RARG: variants seen among roughly 807,000 people sequenced by gnomAD.
RARG encodes the protein retinoic acid receptor gamma.
In RARG, 17 loss-of-function variants were observed where a neutral mutation model predicts 43.7. That is an observed-to-expected ratio of 0.39 (90% CI 0.27 to 0.58). The LOEUF is 0.58. Among genes scored for constraint, RARG ranks in the 20% least tolerant of loss-of-function variants. The pLI, the probability that RARG is intolerant of heterozygous loss-of-function variation, is 0.57. For synonymous variants in RARG, 238 were observed against 236.4 expected (o/e 1.01, Z -0.06); for missense variants, 346 against 598.7 (o/e 0.58, Z 4.40).
chr12:53,224,844 C>T, intron 3 of RARG, among the ~76,000 whole-genome samples: 1 of 152,148 alleles, frequency 6.6e-6, no homozygotes, highest in East Asian at 1.9e-4. Context: ...TTCAGCATGG[C>T]CTTCGAAGAT....
chr12:53,213,460 T>C lies in RARG; in HGVS notation c.1018+36A>G, dbSNP rs779285438. The C allele has an allele frequency of 1.2e-6, 2 of 1,601,214 alleles. No individual in the cohort carries two copies. The highest frequency in any genetic ancestry group is 1.1e-5 in the South Asian group (1 of 90,782). On this transcript the variant is annotated intron_variant, in intron 8 of 9. Coordinates refer to ENST00000425354, the MANE Select transcript of RARG (RefSeq NM_000966.6). This position sits in a 1 kb window ranked among gnomAD's most constrained non-coding sequence, Gnocchi z 4.7. ...CGCATGGAGTGGTGGGAAAGGAGAC[T>C]GAGCACTGAGCAGACGCCAGGGGGC...
At chr12:53,212,148 C>T (rs1942608473) in intron 9 of RARG, among the ~76,000 whole-genome samples, 2 of 152,228 alleles carry the variant, frequency 1.3e-5, no homozygotes, top group African/African-American at 2.4e-5. Context: ...TCCAACCCCA[C>T]TCCCCAAGTA....
rs1334781561 is a variant in RARG, at chr12:53,213,581, G to C, written c.933C>G (p.Val311=). The change falls in exon 8 of 10, where the codon GTC becomes GTG. Residue 311 remains valine, a synonymous_variant. Coordinates refer to ENST00000425354, the MANE Select transcript of RARG (RefSeq NM_000966.6). This position sits in a 1 kb window ranked among gnomAD's most constrained non-coding sequence, Gnocchi z 4.7. ...GCAGGAGCTGCCCAGCAAAGGCAAA[G>C]ACAAGGTCTGTGAGGGGCCCGAAGC... ...NAGFGPLTDL[V]FAFAGQLLPL... 5 of 1,614,206 alleles carry C rather than the reference G, an allele frequency of 3.1e-6. No homozygotes were observed. The highest frequency in any genetic ancestry group is 4.2e-6 in the Non-Finnish European group (5 of 1,180,024).
chr12:53,217,585 C>T (rs1020959788), intron 3 of RARG, among the ~76,000 whole-genome samples: 5 of 152,202 alleles, frequency 3.3e-5, no homozygotes, highest in Admixed American at 2.0e-4. Context: ...ATCCCCACCC[C>T]CTGAACCCTA....
At position 53,216,128 on chromosome 12, in the gene RARG, C is replaced by A. The variant is rs142951734; in HGVS notation, c.185-334G>T. 6.9e-3 allele frequency among the ~76,000 whole-genome samples: 1,044 copies of A among 152,286 alleles called. 14 individuals are homozygous for A. Among genetic ancestry groups the A allele is most frequent in the African/African-American group, 0.024 (993 of 41,548 alleles). On this transcript the variant is annotated intron_variant, in intron 3 of 9. Transcript: ENST00000425354. Reference sequence around the variant, plus strand: ...AATTGACTTCTCTGGGCCTGTTTCCCTAACTATCCAGGAGGTGGGTAGAAG... The same window carrying A: ...AATTGACTTCTCTGGGCCTGTTTCCATAACTATCCAGGAGGTGGGTAGAAG...
At position 53,213,677 on chromosome 12, in the gene RARG, G is replaced by A; in HGVS notation, c.837C>T (p.Tyr279=). 2.5e-6 allele frequency: 4 copies of A among 1,613,566 alleles called. No homozygotes were observed. Among genetic ancestry groups the A allele is most frequent in the Non-Finnish European group, 3.4e-6 (4 of 1,179,506 alleles). ...AGGTCATGGTGTCCTGCTCTGGGGT[G>A]TACCTTGTGCAGATACGCAGCATCT... The part of the protein sequence containing the change: ...DILMLRICTR[Y]TPEQDTMTFS... The change falls in exon 8 of 10, where the codon TAC becomes TAT. Residue 279 remains tyrosine (Y), a synonymous_variant. Coordinates refer to ENST00000425354, the MANE Select transcript of RARG (RefSeq NM_000966.6). The surrounding 1 kb of genome is among the most constrained non-coding windows in gnomAD (Gnocchi z 4.7).
rs1336830726 is a variant in RARG, at chr12:53,215,201, G to C, written c.475+92C>G. On this transcript the variant is annotated intron_variant, in intron 5 of 9. Coordinates refer to ENST00000425354, the MANE Select transcript of RARG (RefSeq NM_000966.6). This position sits in a 1 kb window ranked among gnomAD's most constrained non-coding sequence, Gnocchi z 6.4. ...ACCCCAGGGCAGGCCAAGTCTCAGA[G>C]GTCAGGGAAGTGGGAGTGGCCAGAG... is the stretch of plus-strand genomic sequence containing the variant. The C allele has an allele frequency of 6.6e-7, 1 of 1,517,980 alleles. No individual in the cohort carries two copies. Among genetic ancestry groups the C allele is most frequent in the Middle Eastern group, 2.0e-4 (1 of 5,060 alleles). The allele number at this position is 1,517,980 out of a possible 1,614,324, so 94.0% of individuals were successfully genotyped here.
rs1592422150 is a variant in RARG, at chr12:53,211,072, A to T, written c.*604T>A. On this transcript the variant is annotated 3_prime_UTR_variant, in exon 10 of 10. Transcript: ENST00000425354. The surrounding 1 kb of genome is among the most constrained non-coding windows in gnomAD (Gnocchi z 4.6). ...ACGGAGGGCACAGGGTGAACTCTGC[A>T]CCCGAGCCAAGAGGTGCAGAATGGA... The T allele has an allele frequency of 6.6e-6, 1 of 151,692 alleles. No individual in the cohort carries two copies. Among genetic ancestry groups the T allele is most frequent in the African/African-American group, 2.4e-5 (1 of 41,322 alleles). The allele number at this position is 151,692 out of a possible 1,614,324, so 9.4% of individuals were successfully genotyped here.
At chr12:53,220,228 C>T in intron 3 of RARG, 1 of 1,138,018 alleles carries the variant, frequency 8.8e-7, no homozygotes, top group Non-Finnish European at 1.2e-6. Context: ...GGGCGCTGGG[C>T]TGCATGCGGG....
intron 3 of RARG, among the ~76,000 whole-genome samples, chr12:53,223,753 G>A (rs957328318): frequency 6.6e-6 from 1 of 152,206 alleles, no homozygotes; most frequent in Non-Finnish European, 1.5e-5. Context: ...CTGGGTAGCT[G>A]TCCCTTGTCT....
Position 53,215,068 on chromosome 12 carries a change from C to T in RARG, c.475+225G>A, listed in dbSNP as rs1291894837. Among the ~76,000 whole-genome samples the T allele has an allele frequency of 6.6e-6, 1 of 152,166 alleles. No individual in the cohort carries two copies. Among genetic ancestry groups the T allele is most frequent in the Non-Finnish European group, 1.5e-5 (1 of 68,022 alleles). Reference sequence around the variant, plus strand: ...GGGGGAATGTGAGACCCTACTTATTCACCCATTCAGAGGAAGAGTCAAGCT... The same window carrying T: ...GGGGGAATGTGAGACCCTACTTATTTACCCATTCAGAGGAAGAGTCAAGCT... On this transcript the variant is annotated intron_variant, in intron 5 of 9. Transcript: ENST00000425354. The surrounding 1 kb of genome is among the most constrained non-coding windows in gnomAD (Gnocchi z 6.4).
chr12:53,229,039 G>T (rs1943172955), intron 2 of RARG, among the ~76,000 whole-genome samples: 1 of 152,084 alleles, frequency 6.6e-6, no homozygotes, highest in Non-Finnish European at 1.5e-5. Flanking sequence ...CTAGTGCTAA[G>T]TAGGTGGTTC....
chr12:53,212,709 C>A (rs1037248276), intron 9 of RARG, among the ~76,000 whole-genome samples: 1 of 150,512 alleles, frequency 6.6e-6, no homozygotes, highest in Admixed American at 6.6e-5. Flanking sequence ...AAGCAATTTG[C>A]CCAAGACTTT....
At chr12:53,216,843 C>T (rs11170479) in intron 3 of RARG, among the ~76,000 whole-genome samples, 91,323 of 128,632 alleles carry the variant, frequency 0.71, 29,278 homozygotes, top group Non-Finnish European at 0.75. Flanking sequence ...TGTGTGTGTG[C>T]GCGCGCGCGC....
intron 3 of RARG, among the ~76,000 whole-genome samples, chr12:53,218,031 A>G (rs567641072): frequency 6.6e-6 from 1 of 152,156 alleles, no homozygotes; most frequent in African/African-American, 2.4e-5. Flanking sequence ...ACACACAGCC[A>G]GAATAGAGAC....
At chr12:53,229,505 A>G (rs574938997) in intron 2 of RARG, among the ~76,000 whole-genome samples, 53 of 152,182 alleles carry the variant, frequency 3.5e-4, no homozygotes, top group African/African-American at 1.2e-3. Flanking sequence ...GGCACCACCC[A>G]TACACCCAGC....
chr12:53,220,032 G>A (rs1383401063), intron 3 of RARG: 1 of 1,538,082 alleles, frequency 6.5e-7, no homozygotes, highest in Admixed American at 2.1e-5. Flanking sequence ...GCAGCAAGCC[G>A]GCCCCGGGCC....
Position 53,216,821 on chromosome 12 carries a change from A to AGTGTGTGTGTGTGT in RARG, c.185-1041_185-1028dup, listed in dbSNP as rs35354918. 5.5e-3 allele frequency among the ~76,000 whole-genome samples: 789 copies of AGTGTGTGTGTGTGT among 144,074 alleles called. 7 individuals are homozygous for AGTGTGTGTGTGTGT. The highest frequency in any genetic ancestry group is 0.019 in the African/African-American group (712 of 37,380). The allele number at this position is 144,074 out of a possible 152,430, so 94.5% of individuals were successfully genotyped here. On this transcript the variant is annotated intron_variant, in intron 3 of 9. Transcript: ENST00000425354. The stretch of plus-strand genomic sequence containing the variant: ...GCTCTGTTCAAAAGGCTGCTGGGTA[A>AGTGTGTGTGTGTGT]GTGTGTGTGTGTGTGTGTGTGCGCG...
chr12:53,222,297 AAGAG>A (rs111937808), intron 3 of RARG, among the ~76,000 whole-genome samples: 9,419 of 150,368 alleles, frequency 0.063, 928 homozygotes, highest in African/African-American at 0.21. Flanking sequence ...AGGAGAAAGA[AAGAG>A]AGAGAGAGAG....
Sources: allele counts gnomAD v4.1 joint callset (sites outside exome capture counted in the v4.1 genomes callset), GRCh38; gene constraint gnomAD v4.1.1; non-coding constraint Gnocchi (gnomAD v3.1); transcripts MANE v1.5; gene names NCBI Gene and HGNC (gene_info 2026-07-23, HGNC 2026-07-21).